MACF1: variants seen among roughly 807,000 people sequenced by gnomAD.
MACF1 encodes microtubule actin crosslinking factor 1.
MACF1 carries 193 observed loss-of-function variants against 854.8 expected under a neutral mutation model. That is an observed-to-expected ratio of 0.23 (90% CI 0.20 to 0.25). MACF1 has a LOEUF of 0.25. MACF1 is among the 10% of genes least tolerant of loss of function. The pLI, the probability that MACF1 is intolerant of heterozygous loss-of-function variation, is 1.00. For synonymous variants in MACF1, 3,185 were observed against 3,226.7 expected, an observed-to-expected ratio of 0.99 and a Z score of 0.44; for missense variants, 7,722 against 8,929.1, an observed-to-expected ratio of 0.86 and a Z score of 5.45.
In MACF1 at chr1:39,120,788, A is replaced by G. The variant is rs183906450; in HGVS notation, c.220+36350A>G. On this transcript the variant is annotated intron_variant, in intron 2 of 93. Transcript: ENST00000361689. Reference sequence around the variant, plus strand: ...GCAATGTGAAATAAGCACATCATGGAGAATGGGGTGTCTATCCCTCAAGCA... The same window carrying G: ...GCAATGTGAAATAAGCACATCATGGGGAATGGGGTGTCTATCCCTCAAGCA... 1.3e-3 allele frequency among the ~76,000 whole-genome samples: 86 copies of G among 64,442 alleles called. 1 individual carries two copies. The East Asian group carries it at 0.035, about 26-fold the overall frequency. The allele number at this position is 64,442 out of a possible 152,430, so 42.3% of individuals were successfully genotyped here.
intron 2 of MACF1, among the ~76,000 whole-genome samples, chr1:39,106,615 C>T (rs557537984): frequency 1.1e-4 from 17 of 152,230 alleles, no homozygotes; most frequent in African/African-American, 3.4e-4. Flanking sequence ...TTCCCAGAAA[C>T]GACACAGGCA....
chr1:39,428,157 A>G lies in MACF1; in HGVS notation c.16673A>G (p.Asn5558Ser). The G allele has an allele frequency of 6.2e-7, 1 of 1,614,218 alleles. No homozygotes were observed. The highest frequency in any genetic ancestry group is 2.2e-5 in the East Asian group (1 of 44,890). ...KAALLDQALSNARLFGEDEVE... is the reference protein window; with the variant it reads ...KAALLDQALSSARLFGEDEVE... ...GCCCTACTTGACCAAGCTCTGTCTA[A>G]TGCTAGGCTGTTTGGGGAGGATGAG... The change falls in exon 63 of 101, where the codon AAT (asparagine) becomes AGT (serine). Residue 5558 changes from asparagine (N) to serine (S), a missense_variant. By Grantham distance (46) the Asn-to-Ser change is conservative. Coordinates refer to ENST00000564288, the MANE Select transcript of MACF1 (RefSeq NM_001394062.1).
At chr1:39,232,739 T>C (rs1017471495) in intron 2 of MACF1, among the ~76,000 whole-genome samples, 3 of 89,920 alleles carry the variant, frequency 3.3e-5, no homozygotes, top group Non-Finnish European at 6.7e-5. Flanking sequence ...ACTCTCATAC[T>C]CTCTTTGTTT....
intron 70 of MACF1, chr1:39,436,140 T>C (rs55975501): frequency 0.014 from 5,527 of 408,632 alleles, 247 homozygotes; most frequent in African/African-American, 0.1. Flanking sequence ...GCACATTAGT[T>C]TTCTTAAGCA....
At chr1:39,245,371 C>A (rs1030931296) in intron 2 of MACF1, among the ~76,000 whole-genome samples, 3 of 152,114 alleles carry the variant, frequency 2.0e-5, no homozygotes, top group African/African-American at 7.2e-5. Flanking sequence ...CTCACTGCAA[C>A]CCCCTCCAGC....
At chr1:39,377,727 G>C (rs111905743) in intron 52 of MACF1, among the ~76,000 whole-genome samples, 8,450 of 152,256 alleles carry the variant, frequency 0.055, 300 homozygotes, top group African/African-American at 0.098. Flanking sequence ...TTTTAGGCCA[G>C]GCACGGTGAC....
chr1:39,260,557 G>C (rs1172341750), intron 6 of MACF1: 1 of 151,826 alleles, frequency 6.6e-6, no homozygotes, highest in East Asian at 1.9e-4. Flanking sequence ...TAGAGACAGG[G>C]TTGTTGGCCA....
At chr1:39,291,181 T>C (rs1055365945) in intron 15 of MACF1, among the ~76,000 whole-genome samples, 1 of 152,028 alleles carries the variant, frequency 6.6e-6, no homozygotes, top group African/African-American at 2.4e-5. Context: ...TTCACCATGT[T>C]GGCCAGGCTG....
chr1:39,310,382 A>C lies in MACF1; in HGVS notation c.3054A>C (p.Glu1018Asp), dbSNP rs138972929. ...GCTTGCGCTTGGAAGAGGAGGTGGA[A>C]GCTTGTAAAGCCCGCTTCCAGCACC... is the stretch of plus-strand genomic sequence containing the variant. Reference protein sequence around the residue: ...ADRLRLEEEVEACKARFQHLM... With the variant: ...ADRLRLEEEVDACKARFQHLM... The change falls in exon 25 of 101, where the codon GAA becomes GAC. Residue 1018 changes from glutamate to aspartate, a missense_variant. Physicochemically the swap from Glu to Asp is conservative, Grantham distance 45. Transcript: ENST00000564288. The C allele has an allele frequency of 6.2e-7, 1 of 1,614,152 alleles. No homozygotes were observed. Among genetic ancestry groups the C allele is most frequent in the Non-Finnish European group, 8.5e-7 (1 of 1,180,002 alleles).
intron 2 of MACF1, among the ~76,000 whole-genome samples, chr1:39,097,817 ACT>A (rs1245267536): frequency 1.3e-5 from 2 of 151,896 alleles, no homozygotes; most frequent in African/African-American, 4.8e-5. Flanking sequence ...GCTTCACGTG[ACT>A]CTGATCTCAA....
At position 39,452,337 on chromosome 1, in the gene MACF1, A is replaced by G; in HGVS notation, c.20600A>G (p.Gln6867Arg). 1 of 1,613,680 alleles carries G rather than the reference A, an allele frequency of 6.2e-7. No individual in the cohort carries two copies. Among genetic ancestry groups the G allele is most frequent in the African/African-American group, 1.3e-5 (1 of 75,044 alleles). The part of the protein sequence containing the change: ...LSVSKQSRLE[Q>R]ALKQAEVFRD... ...GTTTCCAAACAAAGCCGGCTTGAGC[A>G]GGCCTTAAAACAAGTAAGGGATATT... The change falls in exon 86 of 101, where the codon CAG (glutamine) becomes CGG (arginine). Residue 6867 changes from glutamine (Q) to arginine (R), a missense_variant. Transcript: ENST00000564288.
chr1:39,148,288 T>C (rs1463789845), intron 2 of MACF1, among the ~76,000 whole-genome samples: 1 of 152,218 alleles, frequency 6.6e-6, no homozygotes, highest in Non-Finnish European at 1.5e-5. Flanking sequence ...GGGCTGTATA[T>C]AGAGTTCCTG....
In MACF1 at chr1:39,295,128, AC is replaced by A. The variant is rs1421165543; in HGVS notation, c.2240del (p.Pro747GlnfsTer20). On this transcript the variant is annotated frameshift_variant, in exon 19 of 101. Transcript: ENST00000564288. LOFTEE classifies it high-confidence loss of function. Reference protein sequence around the residue: ...DTAELLSLENHPAKQTVEAYS... With the variant: ...DTAELLSLENXPAKQTVEAYS... ...GCAGAACTACTTTCACTTGAGAACC[AC>A]CCAGCCAAGCAGACAGTGGAGGTGT... The A allele has an allele frequency of 6.2e-7, 1 of 1,614,010 alleles. No homozygotes were observed. The highest frequency in any genetic ancestry group is 8.5e-7 in the Non-Finnish European group (1 of 1,179,934).
intron 2 of MACF1, among the ~76,000 whole-genome samples, chr1:39,111,935 C>T (rs761518918): frequency 2.6e-5 from 4 of 152,144 alleles, no homozygotes; most frequent in Non-Finnish European, 5.9e-5. Context: ...TTACTCTGCA[C>T]ACCCAACTAT....
chr1:39,345,241 ATATAAC>A (rs1433817209), intron 40 of MACF1, among the ~76,000 whole-genome samples: 5 of 152,218 alleles, frequency 3.3e-5, no homozygotes, highest in Admixed American at 3.3e-4. Context: ...TAAGGGAAAA[ATATAAC>A]TATAACAAGA....
At chr1:39,462,546 C>A (rs1314208365) in intron 93 of MACF1, among the ~76,000 whole-genome samples, 2 of 31,452 alleles carry the variant, frequency 6.4e-5, no homozygotes, top group Non-Finnish European at 1.5e-4. Context: ...CTGTCCCCCC[C>A]GCCAAAAAAA....
At chr1:39,367,993 ATGTT>A (rs1046153283) in intron 49 of MACF1, among the ~76,000 whole-genome samples, 151 bp from the exon 50 acceptor site, 5 of 132,946 alleles carry the variant, frequency 3.8e-5, no homozygotes, top group African/African-American at 6.6e-5. Context: ...AAAAAAAAAA[ATGTT>A]TGTTTGTTTT....
At chr1:39,446,900 CTCT>C (rs1254095528) in intron 80 of MACF1, among the ~76,000 whole-genome samples, 2 of 152,102 alleles carry the variant, frequency 1.3e-5, no homozygotes, top group African/African-American at 2.4e-5. Flanking sequence ...CTTTCGTTAC[CTCT>C]TCTTCTTATA....
intron 22 of MACF1, 28 bp from the exon 23 acceptor site, chr1:39,302,896 G>A (rs778861275): frequency 6.2e-7 from 1 of 1,600,472 alleles, no homozygotes. Flanking sequence ...TTATCCATTA[G>A]CAATCACTGG....
Sources: gnomAD v4.1 joint callset for allele counts (sites outside exome capture counted in the v4.1 genomes callset) on GRCh38, gnomAD v4.1.1 for gene constraint, MANE v1.5 for transcripts, NCBI Gene and HGNC (gene_info 2026-07-23, HGNC 2026-07-21) for gene names.